INTS7: variants seen among roughly 807,000 people sequenced by gnomAD.
INTS7 encodes the protein integrator complex subunit 7.
INTS7 carries 46 observed loss-of-function variants against 109.2 expected under a neutral mutation model. The ratio of observed to expected loss-of-function variants is 0.42; its 90% confidence interval spans 0.33 to 0.54. The LOEUF (loss-of-function observed/expected upper bound fraction) is 0.54, where lower values mean the gene tolerates loss of function less well. INTS7 is among the 20% of genes least tolerant of loss of function. INTS7 has a pLI of 0.07. For synonymous variants in INTS7, 412 were observed against 402.9 expected, an observed-to-expected ratio of 1.02 and a Z score of -0.27; for missense variants, 929 against 1,132.4, an observed-to-expected ratio of 0.82 and a Z score of 2.58.
chr1:211,968,417 G>T, intron 14 of INTS7, 96 bp downstream of exon 14: 1 of 1,042,294 alleles, frequency 9.6e-7, no homozygotes, highest in Non-Finnish European at 1.4e-6. Flanking sequence ...TAATGTCTGA[G>T]TCAAACCACT....
At chr1:211,953,804 T>C (rs1428321343) in intron 16 of INTS7, among the ~76,000 whole-genome samples, 1 of 151,840 alleles carries the variant, frequency 6.6e-6, no homozygotes, top group African/African-American at 2.4e-5. Flanking sequence ...CTATCGTTGT[T>C]GGACATTTGG....
At chr1:212,020,324 C>A in intron 2 of INTS7, 56 bp from the exon 3 acceptor site, 1 of 1,033,060 alleles carries the variant, frequency 9.7e-7, no homozygotes, top group Non-Finnish European at 1.4e-6. Context: ...TAATTAGGAA[C>A]CAAAGCAACA....
At position 212,003,488 on chromosome 1, in the gene INTS7, C is replaced by T. The variant is rs1324970198; in HGVS notation, c.879+3151G>A. ...GCAAGCAAATATTGAGAGGGTTTAC[C>T]ACCACAGACTCTCACTCAAGGACCT... On this transcript the variant is annotated intron_variant, in intron 7 of 19. Transcript: ENST00000366994. 5.3e-5 allele frequency among the ~76,000 whole-genome samples: 8 copies of T among 151,112 alleles called. No individual in the cohort carries two copies. In the East Asian group the frequency reaches 1.4e-3, roughly 26 times the overall value.
Position 211,941,157 on chromosome 1 carries a change from A to G in INTS7, c.*667T>C, listed in dbSNP as rs983920925. 2.0e-5 allele frequency: 3 copies of G among 151,900 alleles called. No homozygotes were observed. Among genetic ancestry groups the G allele is most frequent in the Non-Finnish European group, 4.4e-5 (3 of 68,116 alleles). The allele number at this position is 151,900 out of a possible 1,614,324, so 9.4% of individuals were successfully genotyped here. On this transcript the variant is annotated 3_prime_UTR_variant, in exon 20 of 20. Transcript: ENST00000366994. Reference sequence around the variant, plus strand: ...ATAAACCTTGTAGTGACTGGTCAGAACCTCCCAATGAACAACTCAGAATCC... The same window carrying G: ...ATAAACCTTGTAGTGACTGGTCAGAGCCTCCCAATGAACAACTCAGAATCC...
chr1:211,950,752 C>A (rs1663048483), intron 17 of INTS7, among the ~76,000 whole-genome samples: 1 of 152,220 alleles, frequency 6.6e-6, no homozygotes, highest in East Asian at 1.9e-4. Flanking sequence ...AGAATTTGAA[C>A]CTAGTTCTGA....
intron 3 of INTS7, among the ~76,000 whole-genome samples, chr1:212,017,979 A>T (rs1014534325): frequency 1.8e-4 from 27 of 152,192 alleles, no homozygotes; most frequent in African/African-American, 6.5e-4. Flanking sequence ...ATACCAGAAA[A>T]GATTAGACTA....
chr1:212,004,561 C>T lies in INTS7; in HGVS notation c.879+2078G>A, dbSNP rs1665821125. 3.3e-5 allele frequency among the ~76,000 whole-genome samples: 5 copies of T among 152,246 alleles called. No homozygotes were observed. The Middle Eastern group carries it at 0.014, about 414-fold the overall frequency. On this transcript the variant is annotated intron_variant, in intron 7 of 19. Transcript: ENST00000366994. ...AGTGGAAAGATATAACATGTTCATGCACTGGAAGACAATATTATAAAGTTA... is the reference window on the plus strand; with the variant it reads ...AGTGGAAAGATATAACATGTTCATGTACTGGAAGACAATATTATAAAGTTA...
Position 211,948,559 on chromosome 1 carries a change from T to G in INTS7, c.2317-1854A>C, listed in dbSNP as rs375610851. On this transcript the variant is annotated intron_variant, in intron 17 of 19. Coordinates refer to ENST00000366994, the MANE Select transcript of INTS7 (RefSeq NM_015434.4). The stretch of plus-strand genomic sequence containing the variant: ...TGGTGCAGATTTTGCAATACCCTCT[T>G]GGAAAAGTGTGGAGTGCCTCTGAGG... Among the ~76,000 whole-genome samples, 13 of 152,282 alleles carry G rather than the reference T, an allele frequency of 8.5e-5. No individual in the cohort carries two copies. The East Asian group carries it at 9.7e-4, about 11-fold the overall frequency.
At chr1:212,014,465 CAAAAAAAAAAAAA>C (rs1165612101) in intron 4 of INTS7, among the ~76,000 whole-genome samples, 2 of 28,126 alleles carry the variant, frequency 7.1e-5, no homozygotes, top group Admixed American at 5.0e-4. Flanking sequence ...AACTCCATCT[CAAAAAAAAAAAAA>C]AAAAAAAAAA....
At chr1:211,960,794 C>T (rs1304846340) in intron 16 of INTS7, among the ~76,000 whole-genome samples, 3 of 152,052 alleles carry the variant, frequency 2.0e-5, no homozygotes, top group Admixed American at 1.3e-4. Context: ...GGGTCGATCA[C>T]TTGAAGTCAG....
At chr1:211,969,992 A>G (rs1664099592) in intron 13 of INTS7, among the ~76,000 whole-genome samples, 1 of 152,120 alleles carries the variant, frequency 6.6e-6, no homozygotes, top group African/African-American at 2.4e-5. Flanking sequence ...TGCTGGGATT[A>G]CAGGTGAGAG....
intron 5 of INTS7, among the ~76,000 whole-genome samples, chr1:212,009,199 CTA>C (rs1451176966): frequency 6.6e-6 from 1 of 152,172 alleles, no homozygotes; most frequent in Admixed American, 6.5e-5. Flanking sequence ...ACCCACACTC[CTA>C]TGTTTTCCTC....
At chr1:212,034,636 C>T (rs891163192) in intron 1 of INTS7, among the ~76,000 whole-genome samples, 1 of 152,212 alleles carries the variant, frequency 6.6e-6, no homozygotes, top group Non-Finnish European at 1.5e-5. Flanking sequence ...TCAGCATTTA[C>T]TAAATGCTTC....
chr1:211,966,554 C>T (rs3010008), intron 15 of INTS7, 56 bp from the exon 16 acceptor site: 39,290 of 1,049,358 alleles, frequency 0.037, 927 homozygotes, highest in African/African-American at 0.081. Flanking sequence ...CTATAGGTTT[C>T]TATTACTTGA....
At chr1:212,018,692 TAACA>T (rs1171848711) in intron 3 of INTS7, among the ~76,000 whole-genome samples, 1 of 152,086 alleles carries the variant, frequency 6.6e-6, no homozygotes, top group Non-Finnish European at 1.5e-5. Flanking sequence ...CAAAATGAGT[TAACA>T]AAATGGATAC....
chr1:211,990,438 G>C (rs994830800), intron 7 of INTS7, among the ~76,000 whole-genome samples: 10 of 152,180 alleles, frequency 6.6e-5, no homozygotes, highest in African/African-American at 2.4e-4. Context: ...AAAAAGTTTA[G>C]GAAGGATACA....
Position 211,989,801 on chromosome 1 carries a change from G to A in INTS7, c.880-1798C>T, listed in dbSNP as rs555361097. Among the ~76,000 whole-genome samples the A allele has an allele frequency of 7.0e-5, 10 of 141,862 alleles. No homozygotes were observed. In the East Asian group the frequency reaches 1.0e-3, roughly 15 times the overall value. The allele number at this position is 141,862 out of a possible 152,430, so 93.1% of individuals were successfully genotyped here. Reference sequence around the variant, plus strand: ...CGCGCCACTGTATTCCAGCCAGGGCGACAGAGCAAGACTCCGTTTCAAAAA... The same window carrying A: ...CGCGCCACTGTATTCCAGCCAGGGCAACAGAGCAAGACTCCGTTTCAAAAA... On this transcript the variant is annotated intron_variant, in intron 7 of 19. Coordinates refer to ENST00000366994, the MANE Select transcript of INTS7 (RefSeq NM_015434.4).
intron 12 of INTS7, among the ~76,000 whole-genome samples, chr1:211,976,080 G>A (rs115482744): frequency 0.027 from 4,170 of 152,154 alleles, 81 homozygotes; most frequent in Non-Finnish European, 0.04. Context: ...GGGATTACAT[G>A]CGTGAGCCAC....
intron 1 of INTS7, among the ~76,000 whole-genome samples, chr1:212,033,762 T>C (rs1171844760): frequency 6.6e-6 from 1 of 152,062 alleles, no homozygotes; most frequent in African/African-American, 2.4e-5. Context: ...AAGAAATGTA[T>C]CAGAATGAGG....
Sources: gnomAD v4.1 joint callset for allele counts (sites outside exome capture counted in the v4.1 genomes callset) on GRCh38, gnomAD v4.1.1 for gene constraint, MANE v1.5 for transcripts, NCBI Gene and HGNC (gene_info 2026-07-23, HGNC 2026-07-21) for gene names.